Variants in CPE observed in about 807,000 individuals in gnomAD.
The protein encoded by CPE is carbocypeptidase E.
In CPE, 17 loss-of-function variants were observed where a neutral mutation model predicts 53.5. The ratio of observed to expected loss-of-function variants is 0.32; its 90% CI spans 0.22 to 0.48. The LOEUF (loss-of-function observed/expected upper bound fraction) is 0.48. Among genes scored for constraint, CPE ranks in the 20% least tolerant of loss-of-function variants. The pLI, the probability that CPE is intolerant of heterozygous loss-of-function variation, is 0.99. For missense variants in CPE, 524 were observed against 614.7 expected, an observed-to-expected ratio of 0.85 and a Z score of 1.56; for synonymous variants, 226 against 228.8, an observed-to-expected ratio of 0.99 and a Z score of 0.11.
chr4:165,433,766 G>A (rs144375425), intron 1 of CPE, among the ~76,000 whole-genome samples: 57 of 152,272 alleles, frequency 3.7e-4, no homozygotes, highest in Non-Finnish European at 7.2e-4. Context: ...TGAAGCTAGG[G>A]ATCCTTCTTA....
At chr4:165,434,697 G>A (rs983276314) in intron 1 of CPE, among the ~76,000 whole-genome samples, 3 of 152,124 alleles carry the variant, frequency 2.0e-5, no homozygotes, top group Non-Finnish European at 4.4e-5. Context: ...AGCTGCCAGT[G>A]TGAAGGGTAT....
intron 3 of CPE, among the ~76,000 whole-genome samples, chr4:165,472,066 C>G (rs537193353): frequency 4.7e-4 from 71 of 152,230 alleles, no homozygotes; most frequent in African/African-American, 1.6e-3. Flanking sequence ...TTTTTAAAAG[C>G]TGTAAATAGC....
At chr4:165,433,031 T>C (rs1248548245) in intron 1 of CPE, among the ~76,000 whole-genome samples, 1 of 152,228 alleles carries the variant, frequency 6.6e-6, no homozygotes, top group African/African-American at 2.4e-5. Flanking sequence ...CCATTGGCTT[T>C]ATTGCAATTC....
At chr4:165,451,053 A>T (rs1731799122) in intron 1 of CPE, among the ~76,000 whole-genome samples, 1 of 152,200 alleles carries the variant, frequency 6.6e-6, no homozygotes, top group Admixed American at 6.5e-5. Context: ...ATGGCATCCC[A>T]GGGGAGCTTA....
intron 1 of CPE, among the ~76,000 whole-genome samples, chr4:165,441,066 A>T (rs1274775806): frequency 1.3e-5 from 2 of 152,120 alleles, no homozygotes; most frequent in Non-Finnish European, 2.9e-5. Context: ...GCTGAGTTAG[A>T]TCTTGACTGC....
intron 1 of CPE, among the ~76,000 whole-genome samples, chr4:165,447,396 C>T (rs371251637): frequency 1.3e-5 from 2 of 152,012 alleles, no homozygotes; most frequent in African/African-American, 2.4e-5. Flanking sequence ...CATGGCGAAA[C>T]CCCGTCTCTA....
In CPE at chr4:165,386,230, C is replaced by T. The variant is rs572679697; in HGVS notation, c.307+6702C>T. On this transcript the variant is annotated intron_variant, in intron 1 of 8. Transcript: ENST00000402744. Reference sequence around the variant, plus strand: ...TATTACCTCATTATGGTATTTCCCACTGTTGGTCTACAGATAAATCTATAG... The same window carrying T: ...TATTACCTCATTATGGTATTTCCCATTGTTGGTCTACAGATAAATCTATAG... The T allele has an allele frequency of 2.5e-5, 13 of 522,978 alleles. No individual in the cohort carries two copies. In the African/African-American group the frequency reaches 2.5e-4, roughly 10 times the overall value. The allele number at this position is 522,978 out of a possible 1,614,324, so 32.4% of individuals were successfully genotyped here.
chr4:165,448,304 C>T (rs1201060939), intron 1 of CPE, among the ~76,000 whole-genome samples: 3 of 152,158 alleles, frequency 2.0e-5, no homozygotes, highest in Non-Finnish European at 2.9e-5. Flanking sequence ...TTGACCGTTA[C>T]GATGGACCAA....
At chr4:165,382,416 T>A (rs1730517989) in intron 1 of CPE, among the ~76,000 whole-genome samples, 1 of 152,266 alleles carries the variant, frequency 6.6e-6, no homozygotes, top group South Asian at 2.1e-4. Context: ...ATAACCTTTC[T>A]GATTCAGCTT....
At chr4:165,433,782 A>G (rs920503480) in intron 1 of CPE, among the ~76,000 whole-genome samples, 8 of 152,192 alleles carry the variant, frequency 5.3e-5, no homozygotes, top group Non-Finnish European at 1.2e-4. Flanking sequence ...TCTTAAATGC[A>G]GAGGATATCC....
chr4:165,405,554 G>A, intron 1 of CPE: 1 of 931,668 alleles, frequency 1.1e-6, no homozygotes, highest in South Asian at 1.3e-5. Flanking sequence ...AATAGTCATG[G>A]CATACGCTGT....
intron 6 of CPE, among the ~76,000 whole-genome samples, chr4:165,490,635 A>C (rs991346795): frequency 7.3e-5 from 11 of 150,588 alleles, no homozygotes; most frequent in Admixed American, 4.6e-4. Context: ...GTCTCAAAAA[A>C]AAAAAAAAAA....
intron 6 of CPE, among the ~76,000 whole-genome samples, chr4:165,492,703 T>G (rs1345142176): frequency 6.6e-6 from 1 of 152,198 alleles, no homozygotes; most frequent in Non-Finnish European, 1.5e-5. Flanking sequence ...ACAGGGATTT[T>G]CACAGTGCTT....
intron 1 of CPE, among the ~76,000 whole-genome samples, chr4:165,399,520 C>G (rs187858523): frequency 6.6e-6 from 1 of 152,082 alleles, no homozygotes; most frequent in Admixed American, 6.6e-5. Flanking sequence ...TACAGGCACA[C>G]GCTAACACAC....
chr4:165,410,995 G>T (rs1731036219), intron 1 of CPE, among the ~76,000 whole-genome samples: 1 of 152,104 alleles, frequency 6.6e-6, no homozygotes, highest in Admixed American at 6.5e-5. Context: ...AGACCAGAGA[G>T]CATGCTGAAT....
chr4:165,421,970 T>TA (rs1327301465), intron 1 of CPE, among the ~76,000 whole-genome samples: 5 of 152,086 alleles, frequency 3.3e-5, no homozygotes, highest in Non-Finnish European at 5.9e-5. Flanking sequence ...CTCAGAATAC[T>TA]AAAAAAAGGG....
chr4:165,432,932 C>T (rs973124981), intron 1 of CPE, among the ~76,000 whole-genome samples: 3 of 152,190 alleles, frequency 2.0e-5, no homozygotes, highest in African/African-American at 7.2e-5. Flanking sequence ...CTTTCCACGA[C>T]CTCCACCGCC....
chr4:165,493,305 T>G (rs116613109), intron 7 of CPE, 35 bp downstream of exon 7: 1 of 1,380,814 alleles, frequency 7.2e-7, no homozygotes, highest in Non-Finnish European at 1.0e-6. Context: ...CTCTACGTTA[T>G]GTACAAGAGC....
At chr4:165,444,708 G>A (rs980540634) in intron 1 of CPE, among the ~76,000 whole-genome samples, 8 of 151,978 alleles carry the variant, frequency 5.3e-5, no homozygotes, top group Admixed American at 1.3e-4. Context: ...CCCTCAATGC[G>A]TCTTCCCCAG....
Sources: gnomAD v4.1 joint callset for allele counts (sites outside exome capture counted in the v4.1 genomes callset) on GRCh38, gnomAD v4.1.1 for gene constraint, MANE v1.5 for transcripts, NCBI Gene and HGNC (gene_info 2026-07-23, HGNC 2026-07-21) for gene names.